Variants in CFAP47 observed in about 807,000 individuals in gnomAD.
CFAP47 encodes cilia- and flagella-associated protein 47.
Under a neutral mutation model 148.1 loss-of-function variants are expected in CFAP47, and 29 were observed. The observed-to-expected ratio is 0.20, with a 90% confidence interval of 0.15 to 0.27. The LOEUF is 0.27. CFAP47 is among the 10% of genes least tolerant of loss of function. CFAP47 has a pLI of 1.00. For synonymous variants in CFAP47, 664 were observed against 577.3 expected, an observed-to-expected ratio of 1.15 and a Z score of -2.15; for missense variants, 1,872 against 1,697.5, an observed-to-expected ratio of 1.10 and a Z score of -1.81.
At chrX:36,122,611 C>CA (rs750789059) in intron 33 of CFAP47, among the ~76,000 whole-genome samples, 1 of 111,241 alleles carries the variant, frequency 9.0e-6, no homozygotes, top group Non-Finnish European at 1.9e-5. Flanking sequence ...TTTAGTATGC[C>CA]AACTGTATGT....
intron 45 of CFAP47, chrX:36,211,279 G>A (rs1257588776): frequency 8.1e-6 from 2 of 246,455 alleles, no homozygotes; most frequent in South Asian, 1.1e-4. Flanking sequence ...GTCTGTTAAA[G>A]AGAAAGGAAA....
At chrX:36,035,475 A>C (rs1264097424) in intron 23 of CFAP47, among the ~76,000 whole-genome samples, 3 of 111,522 alleles carry the variant, frequency 2.7e-5, no homozygotes, top group Non-Finnish European at 3.8e-5. Flanking sequence ...GGTTTTGAAA[A>C]ATGCATGGAA....
At chrX:36,354,079 T>C (rs187147055) in intron 60 of CFAP47, among the ~76,000 whole-genome samples, 73 of 112,264 alleles carry the variant, frequency 6.5e-4, no homozygotes, top group Non-Finnish European at 1.3e-3. Context: ...TTTTCTAATG[T>C]AAAGAAATAG....
At chrX:36,182,239 G>T (rs1433336999) in intron 40 of CFAP47, among the ~76,000 whole-genome samples, 1 of 112,095 alleles carries the variant, frequency 8.9e-6, no homozygotes, top group Non-Finnish European at 1.9e-5. Flanking sequence ...ACTTCTGTTT[G>T]TAGCCCATTG....
chrX:36,206,473 T>C (rs1479942133), intron 45 of CFAP47, among the ~76,000 whole-genome samples: 1 of 111,946 alleles, frequency 8.9e-6, no homozygotes, highest in Non-Finnish European at 1.9e-5. Flanking sequence ...TTCTTTCCTT[T>C]GGTGGACTCA....
intron 8 of CFAP47, among the ~76,000 whole-genome samples, chrX:35,957,080 A>G (rs1312258057): frequency 9.2e-6 from 1 of 109,202 alleles, no homozygotes; most frequent in East Asian, 2.9e-4. Flanking sequence ...GTGGTGGCAC[A>G]TGCCTCTAGT....
At chrX:36,073,928 A>G (rs943455758) in intron 29 of CFAP47, among the ~76,000 whole-genome samples, 2 of 111,896 alleles carry the variant, frequency 1.8e-5, no homozygotes, top group African/African-American at 6.5e-5. Flanking sequence ...TGTTGGTGTG[A>G]TATGTTCTCA....
intron 2 of CFAP47, among the ~76,000 whole-genome samples, chrX:35,938,071 G>A (rs1375358222): frequency 9.0e-6 from 1 of 111,146 alleles, no homozygotes; most frequent in African/African-American, 3.3e-5. Flanking sequence ...AAGAGGTAAT[G>A]GCTTATATAT....
intron 6 of CFAP47, 60 bp downstream of exon 6, chrX:35,952,023 C>G: frequency 9.4e-7 from 1 of 1,069,349 alleles, no homozygotes; most frequent in Non-Finnish European, 1.2e-6. Flanking sequence ...ATTAACCACA[C>G]TTTAATCAGA....
chrX:35,934,427 T>C (rs748811793), intron 2 of CFAP47, among the ~76,000 whole-genome samples: 4 of 110,621 alleles, frequency 3.6e-5, no homozygotes, highest in Non-Finnish European at 5.7e-5. Context: ...TGGTGAATGT[T>C]GTTTGGCCTG....
At chrX:36,370,596 T>G (rs1302743441) in intron 62 of CFAP47, among the ~76,000 whole-genome samples, 2 of 110,728 alleles carry the variant, frequency 1.8e-5, no homozygotes, top group Admixed American at 9.8e-5. Context: ...TTTTAAACTT[T>G]TTTTAGAGGA....
In CFAP47 at chrX:36,012,010, T is replaced by G. The variant is rs974458184; in HGVS notation, c.3418-2764T>G. Among the ~76,000 whole-genome samples, 6 of 111,367 alleles carry G rather than the reference T, an allele frequency of 5.4e-5. No individual in the cohort carries two copies. The East Asian group carries it at 1.7e-3, about 31-fold the overall frequency. On this transcript the variant is annotated intron_variant, in intron 21 of 63. Coordinates refer to ENST00000378653, the MANE Select transcript of CFAP47 (RefSeq NM_001304548.2). ...GTTTTACATTTAAGTTTTTAATCCA[T>G]CAAAAGATATGAACAGACACTTAAG...
chrX:36,262,330 T>C (rs782075893), intron 49 of CFAP47, among the ~76,000 whole-genome samples: 10 of 111,618 alleles, frequency 9.0e-5, no homozygotes, highest in African/African-American at 3.3e-4. Flanking sequence ...TCTTCTATTT[T>C]GTTGTACCAA....
chrX:36,212,952 A>C (rs1181663138), intron 45 of CFAP47, among the ~76,000 whole-genome samples: 5 of 110,790 alleles, frequency 4.5e-5, no homozygotes, highest in Non-Finnish European at 9.4e-5. Flanking sequence ...ATCTCTACTG[A>C]AAACATAAAA....
chrX:36,199,183 T>C (rs1404796002), intron 42 of CFAP47, among the ~76,000 whole-genome samples: 1 of 111,888 alleles, frequency 8.9e-6, no homozygotes, highest in Non-Finnish European at 1.9e-5. Context: ...ACCATTGTGA[T>C]TGCATATGTC....
At chrX:36,361,736 A>T (rs1941830256) in intron 61 of CFAP47, among the ~76,000 whole-genome samples, 2 of 111,924 alleles carry the variant, frequency 1.8e-5, no homozygotes, top group Non-Finnish European at 3.8e-5. Context: ...CCCTAAGGTC[A>T]TTAGTGTATC....
intron 23 of CFAP47, among the ~76,000 whole-genome samples, chrX:36,032,811 C>T (rs1446068624): frequency 9.0e-6 from 1 of 110,862 alleles, no homozygotes; most frequent in Non-Finnish European, 1.9e-5. Flanking sequence ...TGGTAAAGGA[C>T]TCGGAGAAGG....
chrX:36,185,314 G>T (rs1386812579), intron 40 of CFAP47, among the ~76,000 whole-genome samples: 1 of 109,965 alleles, frequency 9.1e-6, no homozygotes, highest in Non-Finnish European at 1.9e-5. Context: ...CCTTTGAGAG[G>T]TCTTCACCTC....
At chrX:36,316,642 G>A (rs1216923335) in intron 56 of CFAP47, among the ~76,000 whole-genome samples, 1 of 111,877 alleles carries the variant, frequency 8.9e-6, no homozygotes. Flanking sequence ...TCTCATCCGT[G>A]ACTGCAGATG....
Sources: gnomAD v4.1 joint callset for allele counts (sites outside exome capture counted in the v4.1 genomes callset) on GRCh38, gnomAD v4.1.1 for gene constraint, MANE v1.5 for transcripts, NCBI Gene and HGNC (gene_info 2026-07-23, HGNC 2026-07-21) for gene names.